Variants in MICAL3 observed in about 807,000 individuals in gnomAD.
MICAL3 encodes microtubule associated monooxygenase, calponin and LIM domain containing 3.
Under a neutral mutation model 207.4 loss-of-function variants are expected in MICAL3, and 62 were observed. The observed-to-expected ratio is 0.30, with a 90% CI of 0.24 to 0.37. MICAL3 has a LOEUF of 0.37. MICAL3 is among the 10% of genes least tolerant of loss of function. MICAL3 has a pLI of 1.00. For missense variants in MICAL3, 2,368 were observed against 2,635.6 expected, an observed-to-expected ratio of 0.90 and a Z score of 2.22; for synonymous variants, 1,077 against 1,069.3, an observed-to-expected ratio of 1.01 and a Z score of -0.14.
intron 1 of MICAL3, among the ~76,000 whole-genome samples, chr22:17,915,902 C>T (rs964465146): frequency 6.6e-6 from 1 of 151,604 alleles, no homozygotes; most frequent in Admixed American, 6.6e-5. Flanking sequence ...CCAGACTGGG[C>T]AATATAGCAA....
chr22:17,869,451 A>G (rs1927497300), intron 17 of MICAL3, among the ~76,000 whole-genome samples: 1 of 152,098 alleles, frequency 6.6e-6, no homozygotes, highest in Non-Finnish European at 1.5e-5. Context: ...GAGGTAGCGT[A>G]TGTCTCTTCT....
At chr22:17,834,650 A>G in intron 20 of MICAL3, 2 of 1,015,844 alleles carry the variant, frequency 2.0e-6, no homozygotes, top group South Asian at 7.0e-5. Context: ...GCAGCAGAAC[A>G]CAAGCACGGT....
intron 19 of MICAL3, 70 bp downstream of exon 19, chr22:17,864,829 A>C: frequency 6.2e-7 from 1 of 1,613,928 alleles, no homozygotes; most frequent in Non-Finnish European, 8.5e-7. Context: ...GTGCTGGCTC[A>C]TGCCCTTGGC....
At chr22:18,012,151 C>A (rs1923781891) in intron 1 of MICAL3, among the ~76,000 whole-genome samples, 1 of 152,162 alleles carries the variant, frequency 6.6e-6, no homozygotes, top group Non-Finnish European at 1.5e-5. Context: ...AGAAGAATCA[C>A]TTGAACTTGG....
intron 1 of MICAL3, among the ~76,000 whole-genome samples, chr22:17,992,007 G>A (rs73392426): frequency 0.043 from 6,523 of 152,204 alleles, 449 homozygotes; most frequent in African/African-American, 0.15. Flanking sequence ...TGGATGAGGC[G>A]CCTCCATGCC....
chr22:17,990,041 C>T (rs535062225), intron 1 of MICAL3, among the ~76,000 whole-genome samples: 12 of 151,904 alleles, frequency 7.9e-5, no homozygotes, highest in East Asian at 3.9e-4. Context: ...CAACACAACA[C>T]GTGGAAAAAG....
At chr22:17,896,059 G>A (rs1602168956) in intron 9 of MICAL3, among the ~76,000 whole-genome samples, 187 bp downstream of exon 9, 1 of 152,166 alleles carries the variant, frequency 6.6e-6, no homozygotes, top group African/African-American at 2.4e-5. Context: ...CTTAGTCTAG[G>A]AGACTCATCT....
rs770532587 is a variant in MICAL3, at chr22:17,886,000, G to C, written c.2119C>G (p.Leu707Val). The C allele has an allele frequency of 5.6e-6, 9 of 1,613,936 alleles. No homozygotes were observed. Among genetic ancestry groups the C allele is most frequent in the African/African-American group, 5.3e-5 (4 of 74,942 alleles). ...GCAACGTCCATCCTCCTGTCTGTCA[G>C]AGTGCTCACCAGGGTCGGTCTTTCT... ...RGERPTLVSTLTDRRMDVAVG... is the reference protein window; with the variant it reads ...RGERPTLVSTVTDRRMDVAVG... Residue 707 changes from leucine (L) to valine (V), a missense_variant, in exon 16 of 32, where the codon CTG (leucine) becomes GTG (valine). Coordinates refer to ENST00000441493, the MANE Select transcript of MICAL3 (RefSeq NM_015241.3).
intron 1 of MICAL3, among the ~76,000 whole-genome samples, chr22:17,963,137 G>A (rs958463174): frequency 6.6e-6 from 1 of 151,932 alleles, no homozygotes; most frequent in African/African-American, 2.4e-5. Flanking sequence ...TTTTTGAAAC[G>A]GGTCTCACTC....
At chr22:17,834,897 A>G (rs1284566649) in intron 20 of MICAL3, among the ~76,000 whole-genome samples, 1 of 152,254 alleles carries the variant, frequency 6.6e-6, no homozygotes, top group African/African-American at 2.4e-5. Context: ...ATCTATGCTC[A>G]TCTTAAATCT....
At chr22:17,934,660 G>A (rs553940852) in intron 1 of MICAL3, among the ~76,000 whole-genome samples, 7 of 152,170 alleles carry the variant, frequency 4.6e-5, no homozygotes, top group Non-Finnish European at 8.8e-5. Context: ...AAAAGAGGAA[G>A]TCAAATTGTC....
At chr22:17,799,914 C>CAA (rs1434104899) in intron 29 of MICAL3, among the ~76,000 whole-genome samples, 5 of 150,596 alleles carry the variant, frequency 3.3e-5, no homozygotes, top group Non-Finnish European at 7.4e-5. Flanking sequence ...CACACAAACA[C>CAA]ACACACACAC....
chr22:18,016,787 A>T (rs562774711), intron 1 of MICAL3, among the ~76,000 whole-genome samples: 1 of 151,972 alleles, frequency 6.6e-6, no homozygotes, highest in East Asian at 1.9e-4. Context: ...AAAAATACAA[A>T]AACTTAGCCG....
At chr22:17,890,811 G>A (rs544099891) in intron 12 of MICAL3, among the ~76,000 whole-genome samples, 3 of 152,304 alleles carry the variant, frequency 2.0e-5, no homozygotes, top group African/African-American at 7.2e-5. Flanking sequence ...TGGCTTCCGT[G>A]GTAACAAATG....
intron 1 of MICAL3, among the ~76,000 whole-genome samples, chr22:17,977,267 G>C (rs1935700683): frequency 6.6e-6 from 1 of 151,974 alleles, no homozygotes; most frequent in Non-Finnish European, 1.5e-5. Context: ...TACAGAATAG[G>C]GAAAAATATC....
intron 23 of MICAL3, among the ~76,000 whole-genome samples, chr22:17,822,704 C>T (rs777529909): frequency 2.6e-5 from 4 of 152,192 alleles, no homozygotes; most frequent in Non-Finnish European, 4.4e-5. Context: ...GAATTAAAGG[C>T]CTTGTATAAA....
At chr22:17,888,605 G>A (rs1004582083) in intron 13 of MICAL3, among the ~76,000 whole-genome samples, 1 of 152,172 alleles carries the variant, frequency 6.6e-6, no homozygotes, top group South Asian at 2.1e-4. Context: ...GAAAAGAGTA[G>A]GAGGTGGGAA....
chr22:17,819,010 T>C lies in MICAL3; in HGVS notation c.3651A>G (p.Lys1217=), dbSNP rs1921257774. The change falls in exon 26 of 32, where the codon AAA becomes AAG. Residue 1217 remains lysine (K), a synonymous_variant. Coordinates refer to ENST00000441493, the MANE Select transcript of MICAL3 (RefSeq NM_015241.3). ...GTGATCGGATGGGAGAGTGCACAGC[T>C]TTCAGATCCGAGGGGGCATCAGCTT... ...KPKADAPSDL[K]AVHSPIRSQP... is the part of the protein sequence containing the mutation. 5.6e-6 allele frequency: 9 copies of C among 1,607,892 alleles called. No individual in the cohort carries two copies. Among genetic ancestry groups the C allele is most frequent in the African/African-American group, 1.3e-5 (1 of 74,768 alleles).
At chr22:17,813,689 G>A (rs1186585648) in intron 27 of MICAL3, 2 of 152,312 alleles carry the variant, frequency 1.3e-5, no homozygotes, top group East Asian at 3.9e-4. Context: ...GGGGGGCAGT[G>A]GCTGCCTTCC....
Sources: gnomAD v4.1 joint callset for allele counts (sites outside exome capture counted in the v4.1 genomes callset) on GRCh38, gnomAD v4.1.1 for gene constraint, MANE v1.5 for transcripts, NCBI Gene and HGNC (gene_info 2026-07-23, HGNC 2026-07-21) for gene names.